The following CEP76 variants were observed in gnomAD, a reference collection of about 807,000 sequenced individuals.
CEP76 encodes the protein centrosomal protein of 76 kDa.
Under a neutral mutation model 83.3 loss-of-function variants are expected in CEP76, and 55 were observed. That is an observed-to-expected ratio of 0.66 (90% CI 0.53 to 0.83). The LOEUF (loss-of-function observed/expected upper bound fraction) is 0.83, where lower values mean the gene tolerates loss of function less well. CEP76 is among the 40% of genes least tolerant of loss of function. The pLI, the probability that CEP76 is intolerant of heterozygous loss-of-function variation, is 0.00. For synonymous variants in CEP76, 270 were observed against 274.5 expected, an observed-to-expected ratio of 0.98 and a Z score of 0.16; for missense variants, 694 against 799.5, an observed-to-expected ratio of 0.87 and a Z score of 1.59.
chr18:12,681,805 A>G (rs2039358364), intron 8 of CEP76, among the ~76,000 whole-genome samples: 1 of 152,106 alleles, frequency 6.6e-6, no homozygotes, highest in Non-Finnish European at 1.5e-5. Context: ...TATTACTTTC[A>G]ATTTTAAAAA....
chr18:12,669,933 G>GTTGCAGTGAGCCGAGA (rs1555641006), downstream of CEP76, among the ~76,000 whole-genome samples: 1 of 149,454 alleles, frequency 6.7e-6, no homozygotes, highest in Admixed American at 6.7e-5. Context: ...GGAGGCGGAG[G>GTTGCAGTGAGCCGAGA]TTGCGGTGAG....
At chr18:12,687,762 C>T (rs2039595355) in intron 7 of CEP76, among the ~76,000 whole-genome samples, 1 of 151,286 alleles carries the variant, frequency 6.6e-6, no homozygotes, top group African/African-American at 2.4e-5. Context: ...CTAGAGGGCA[C>T]CGATTTTTAA....
Position 12,696,299 on chromosome 18 carries a change from T to G in CEP76, c.706+924A>C, listed in dbSNP as rs578074660. On this transcript the variant is annotated intron_variant, in intron 5 of 11. Coordinates refer to ENST00000262127, the MANE Select transcript of CEP76 (RefSeq NM_024899.4). The stretch of plus-strand genomic sequence containing the variant: ...GCGGGCAGATCACGAGGTCAAGAGA[T>G]CGAGACCATCCCGGCCAACATGGTG... 9.2e-5 allele frequency among the ~76,000 whole-genome samples: 14 copies of G among 152,178 alleles called. No individual in the cohort carries two copies. The South Asian group carries it at 2.5e-3, about 27-fold the overall frequency.
intron 8 of CEP76, among the ~76,000 whole-genome samples, chr18:12,683,958 T>C (rs530137242): frequency 6.0e-5 from 9 of 151,124 alleles, no homozygotes; most frequent in African/African-American, 2.2e-4. Flanking sequence ...ACTGTTGTAA[T>C]GCTGTTGTTT....
upstream of CEP76, chr18:12,702,757 A>G (rs888569509): frequency 3.4e-6 from 2 of 593,742 alleles, no homozygotes; most frequent in Non-Finnish European, 5.8e-6. Context: ...AACTGTTTTC[A>G]AACAGTGGCG....
chr18:12,671,860 G>T (rs1047443905), downstream of CEP76, among the ~76,000 whole-genome samples: 2 of 151,872 alleles, frequency 1.3e-5, no homozygotes, highest in East Asian at 3.9e-4. Context: ...TTGCTCTGTT[G>T]CCCACGCTGG....
intron 12 of CEP76, among the ~76,000 whole-genome samples, chr18:12,664,758 G>A (rs2038771471): frequency 6.6e-6 from 1 of 150,440 alleles, no homozygotes; most frequent in African/African-American, 2.4e-5. Context: ...GAGTGCAGTG[G>A]TACAATCTCA....
At chr18:12,691,026 G>A (rs1241939395) in intron 7 of CEP76, among the ~76,000 whole-genome samples, 1 of 150,896 alleles carries the variant, frequency 6.6e-6, no homozygotes, top group Admixed American at 6.7e-5. Flanking sequence ...TAAGTATCAA[G>A]CAAATACACA....
At position 12,698,979 on chromosome 18, in the gene CEP76, C is replaced by T; in HGVS notation, c.520G>A (p.Gly174Ser). 1 of 1,593,608 alleles carries T rather than the reference C, an allele frequency of 6.3e-7. No individual in the cohort carries two copies. The highest frequency in any genetic ancestry group is 8.6e-7 in the Non-Finnish European group (1 of 1,165,618). The part of the protein sequence containing the change: ...FLLEVHRESL[G>S]DGTRMADSTT... ...ATGACAATTTATTACTGTTTCTTAC[C>T]CAAGCTTTCTCTGTGTACTTCAAGT... Residue 174 changes from glycine (G) to serine (S), a missense_variant and splice_region_variant, in exon 4 of 12, where the codon GGT becomes AGT. By Grantham distance (56) the Gly-to-Ser change is moderately conservative (BLOSUM62 0). Coordinates refer to ENST00000262127, the MANE Select transcript of CEP76 (RefSeq NM_024899.4).
At chr18:12,663,158 A>G (rs2038733069) in intron 12 of CEP76, among the ~76,000 whole-genome samples, 1 of 152,194 alleles carries the variant, frequency 6.6e-6, no homozygotes, top group Admixed American at 6.5e-5. Context: ...TTCCTATAAC[A>G]CAAACTTTCC....
chr18:12,691,329 C>G, intron 7 of CEP76, 30 bp downstream of exon 7: 3 of 1,418,656 alleles, frequency 2.1e-6, no homozygotes, highest in Non-Finnish European at 2.9e-6. Flanking sequence ...CAAATACAGG[C>G]ATAAAATTAT....
At position 12,701,045 on chromosome 18, in the gene CEP76, T is replaced by C. The variant is rs768456079; in HGVS notation, c.132A>G (p.Gln44=). ...TCAAATCTTCTGTTGATAAATGCTG[T>C]TGATCAGGTGCCAATTCTTCCCGTA... ...ETIREELAPD[Q]QHLSTEDLIK... Residue 44 remains glutamine (Q), a synonymous_variant, in exon 2 of 12, where the codon CAA becomes CAG. Transcript: ENST00000262127. 8 of 1,613,808 alleles carry C rather than the reference T, an allele frequency of 5.0e-6. No individual in the cohort carries two copies. Among genetic ancestry groups the C allele is most frequent in the Non-Finnish European group, 6.8e-6 (8 of 1,179,830 alleles).
At chr18:12,663,637 T>C (rs554952686) in intron 12 of CEP76, among the ~76,000 whole-genome samples, 1 of 152,338 alleles carries the variant, frequency 6.6e-6, no homozygotes, top group Non-Finnish European at 1.5e-5. Flanking sequence ...AAATGGAGAA[T>C]TATCAATAAA....
downstream of CEP76, among the ~76,000 whole-genome samples, chr18:12,669,032 C>CTTTTTTTTTTTT (rs71174122): frequency 2.4e-5 from 1 of 41,960 alleles, no homozygotes; most frequent in African/African-American, 9.5e-5. Flanking sequence ...ACCCCCCGCA[C>CTTTTTTTTTTTT]TTTTTTTTTT....
At chr18:12,673,591 T>C (rs2039008245) in intron 11 of CEP76, 88 bp from the exon 12 acceptor site, 2 of 1,163,018 alleles carry the variant, frequency 1.7e-6, no homozygotes, top group Non-Finnish European at 2.4e-6. Context: ...TTAAAATAAT[T>C]TTTTCAGGCT....
At chr18:12,697,008 T>C (rs1324412750) in intron 5 of CEP76, among the ~76,000 whole-genome samples, 1 of 152,194 alleles carries the variant, frequency 6.6e-6, no homozygotes, top group Admixed American at 6.5e-5. Flanking sequence ...ACATTTCTCC[T>C]AAGACAAGGT....
In CEP76 at chr18:12,678,229, A is replaced by T; in HGVS notation, c.1503T>A (p.Ala501=). The change falls in exon 10 of 12, where the codon GCT becomes GCA. Residue 501 remains alanine, a synonymous_variant. Transcript: ENST00000262127. ...MSEEAIKSVC[A]PGATTSLPPF... ...GAGGAAGGGATGTTGTAGCTCCAGG[A>T]GCACACACAGATTTAATTGCTTCCT... 1 of 1,614,168 alleles carries T rather than the reference A, an allele frequency of 6.2e-7. No individual in the cohort carries two copies. The highest frequency in any genetic ancestry group is 8.5e-7 in the Non-Finnish European group (1 of 1,180,006).
intron 7 of CEP76, among the ~76,000 whole-genome samples, chr18:12,688,303 A>G (rs1229594873): frequency 6.6e-6 from 1 of 151,896 alleles, no homozygotes; most frequent in African/African-American, 2.4e-5. Flanking sequence ...AGTTTCTTGC[A>G]CTAAAAAGTT....
chr18:12,683,689 T>C (rs1726081101), intron 8 of CEP76, among the ~76,000 whole-genome samples: 1 of 151,502 alleles, frequency 6.6e-6, no homozygotes, highest in Admixed American at 6.6e-5. Flanking sequence ...AGACGGAGGT[T>C]GCAGTGGGCC....
Sources: allele counts gnomAD v4.1 joint callset (sites outside exome capture counted in the v4.1 genomes callset), GRCh38; gene constraint gnomAD v4.1.1; transcripts MANE v1.5; gene names NCBI Gene and HGNC (gene_info 2026-07-23, HGNC 2026-07-21).